Variants in ITCH observed in about 807,000 individuals in gnomAD.
ITCH encodes E3 ubiquitin-protein ligase Itchy homolog.
ITCH carries 28 observed loss-of-function variants against 126.8 expected under a neutral mutation model. The ratio of observed to expected loss-of-function variants is 0.22; its 90% CI spans 0.16 to 0.30. The LOEUF is 0.30. Among genes scored for constraint, ITCH ranks in the 10% least tolerant of loss-of-function variants. The pLI is 1.00. For missense variants in ITCH, 631 were observed against 1,032.4 expected (o/e 0.61, Z 5.33); for synonymous variants, 342 against 340.0 (o/e 1.01, Z -0.06).
chr20:34,377,764 G>C (rs1185388127), intron 2 of ITCH, among the ~76,000 whole-genome samples: 1 of 151,904 alleles, frequency 6.6e-6, no homozygotes, highest in Non-Finnish European at 1.5e-5. Context: ...CTACCCAGGA[G>C]GCTGAGGTGG....
intron 13 of ITCH, among the ~76,000 whole-genome samples, chr20:34,459,744 A>T (rs1198376518): frequency 6.6e-6 from 1 of 152,242 alleles, no homozygotes; most frequent in Non-Finnish European, 1.5e-5. Context: ...TCAAAAAACT[A>T]AAACTAAAAA....
At chr20:34,376,553 G>A (rs2123024723) in intron 2 of ITCH, among the ~76,000 whole-genome samples, 1 of 152,204 alleles carries the variant, frequency 6.6e-6, no homozygotes, top group African/African-American at 2.4e-5. Flanking sequence ...AAGGCAGATA[G>A]AAGGAGGGAA....
intron 21 of ITCH, 47 bp downstream of exon 21, chr20:34,489,433 C>T (rs1216355924): frequency 6.4e-7 from 1 of 1,562,540 alleles, no homozygotes; most frequent in Admixed American, 1.7e-5. Context: ...GTAAATAATG[C>T]CTTAAGTTGT....
intron 2 of ITCH, among the ~76,000 whole-genome samples, chr20:34,392,494 AATT>A: frequency 6.6e-6 from 1 of 152,272 alleles, no homozygotes; most frequent in East Asian, 1.9e-4. Flanking sequence ...TCTCAGTAGG[AATT>A]ATTGTTCTAT....
intron 22 of ITCH, among the ~76,000 whole-genome samples, chr20:34,491,604 A>G (rs1454319158): frequency 6.6e-6 from 1 of 152,200 alleles, no homozygotes; most frequent in Admixed American, 6.5e-5. Context: ...TACATGTAAA[A>G]AAATTCATAT....
At position 34,401,379 on chromosome 20, in the gene ITCH, A is replaced by C. The variant is rs1403853140; in HGVS notation, c.71-7272A>C. Among the ~76,000 whole-genome samples the C allele has an allele frequency of 2.0e-5, 3 of 152,224 alleles. No individual in the cohort carries two copies. In the East Asian group the frequency reaches 5.8e-4, roughly 29 times the overall value. Reference sequence around the variant, plus strand: ...CAGTACTTTTCTTCATTTATTAGTGAAAGAAGTTAAGAAATTAACTTTCCA... The same window carrying C: ...CAGTACTTTTCTTCATTTATTAGTGCAAGAAGTTAAGAAATTAACTTTCCA... On this transcript the variant is annotated intron_variant, in intron 3 of 24. Transcript: ENST00000374864.
intron 2 of ITCH, among the ~76,000 whole-genome samples, chr20:34,383,574 C>G (rs1342987163): frequency 6.6e-6 from 1 of 151,946 alleles, no homozygotes; most frequent in Admixed American, 6.6e-5. Flanking sequence ...CCATGTTAGT[C>G]AGGCTGGTCT....
chr20:34,418,815 G>T (rs1405392988), intron 6 of ITCH, among the ~76,000 whole-genome samples: 2 of 138,760 alleles, frequency 1.4e-5, no homozygotes, highest in Non-Finnish European at 3.0e-5. Flanking sequence ...AGACTGGAGT[G>T]CAATGGCGCG....
intron 2 of ITCH, among the ~76,000 whole-genome samples, chr20:34,379,963 G>A (rs1485279731): frequency 8.8e-6 from 1 of 113,020 alleles, no homozygotes; most frequent in Non-Finnish European, 1.7e-5. Flanking sequence ...GTGGTGCGAT[G>A]TTGGCTCACT....
rs1009514110 is a variant in ITCH at position 34,509,025 on chromosome 20, T to C, written c.*1231T>C. ...TCAAAGTTATCATTTCTCTGACATA[T>C]GTTGGAGTAGTCATTTCCATTCTTT... On this transcript the variant is annotated 3_prime_UTR_variant, in exon 25 of 25. Transcript: ENST00000374864. 9 of 152,578 alleles carry C rather than the reference T, an allele frequency of 5.9e-5. No homozygotes were observed. Among genetic ancestry groups the C allele is most frequent in the African/African-American group, 1.4e-4 (6 of 41,454 alleles). The allele number at this position is 152,578 out of a possible 1,614,324, so 9.5% of individuals were successfully genotyped here.
Position 34,372,651 on chromosome 20 carries a change from A to T in ITCH, c.-22+3181A>T, listed in dbSNP as rs542494932. ...TGCCTCAGCCTCTCAATGTGCTGGG[A>T]TTACAGGCATGAGCCACCGTACCCG... On this transcript the variant is annotated intron_variant, in intron 2 of 24. Transcript: ENST00000374864. 2.6e-5 allele frequency among the ~76,000 whole-genome samples: 4 copies of T among 152,138 alleles called. No individual in the cohort carries two copies. The East Asian group carries it at 7.8e-4, about 29-fold the overall frequency.
chr20:34,443,338 C>G (rs1050373070), intron 10 of ITCH, among the ~76,000 whole-genome samples: 1 of 151,620 alleles, frequency 6.6e-6, no homozygotes, highest in African/African-American at 2.4e-5. Flanking sequence ...GTTGAAACCC[C>G]GTCTCTACTA....
chr20:34,493,899 A>T (rs1269026688), intron 23 of ITCH, among the ~76,000 whole-genome samples: 1 of 152,220 alleles, frequency 6.6e-6, no homozygotes, highest in Non-Finnish European at 1.5e-5. Flanking sequence ...GTAGAAGGCT[A>T]ATGCCTAGAA....
intron 2 of ITCH, among the ~76,000 whole-genome samples, chr20:34,391,913 A>T (rs2038503347): frequency 6.6e-6 from 1 of 152,192 alleles, no homozygotes; most frequent in African/African-American, 2.4e-5. Context: ...ATTTATATTT[A>T]GAATAATTTA....
intron 2 of ITCH, among the ~76,000 whole-genome samples, chr20:34,384,765 A>G (rs2038209705): frequency 7.0e-6 from 1 of 142,416 alleles, no homozygotes; most frequent in Non-Finnish European, 1.5e-5. Flanking sequence ...GGTTCTTGCC[A>G]TTCTCCTGCC....
intron 12 of ITCH, among the ~76,000 whole-genome samples, chr20:34,456,647 T>A (rs7271508): frequency 0.039 from 2,466 of 62,442 alleles, 50 homozygotes; most frequent in African/African-American, 0.076. Flanking sequence ...AAAAAAAATA[T>A]ATATATATAT....
chr20:34,382,984 C>T (rs7265794), intron 2 of ITCH, among the ~76,000 whole-genome samples: 2,979 of 151,948 alleles, frequency 0.02, 93 homozygotes, highest in African/African-American at 0.059. Context: ...CCTTGTGATC[C>T]GCCTGCCTCG....
At chr20:34,368,067 G>A (rs1400434128) in intron 1 of ITCH, among the ~76,000 whole-genome samples, 3 of 152,068 alleles carry the variant, frequency 2.0e-5, no homozygotes, top group South Asian at 2.1e-4. Context: ...TCAGGAGATC[G>A]AGATCATCCT....
At chr20:34,435,059 A>G (rs1219329333) in intron 7 of ITCH, among the ~76,000 whole-genome samples, 1 of 152,104 alleles carries the variant, frequency 6.6e-6, no homozygotes, top group Non-Finnish European at 1.5e-5. Flanking sequence ...ATACCAGCAC[A>G]CTAATCTCAT....
Sources: gnomAD v4.1 joint callset for allele counts (sites outside exome capture counted in the v4.1 genomes callset) on GRCh38, gnomAD v4.1.1 for gene constraint, MANE v1.5 for transcripts, NCBI Gene and HGNC (gene_info 2026-07-23, HGNC 2026-07-21) for gene names.